The following FSTL4 variants were observed in gnomAD, a reference collection of about 807,000 sequenced individuals.
FSTL4 encodes the protein follistatin like 4.
FSTL4 carries 28 observed loss-of-function variants against 78.2 expected under a neutral mutation model. That is an observed-to-expected ratio of 0.36 (90% confidence interval 0.27 to 0.49). The LOEUF (loss-of-function observed/expected upper bound fraction) is 0.49. FSTL4 is among the 20% of genes least tolerant of loss of function. The probability of loss-of-function intolerance (pLI) is 0.98; values close to 1 mark genes in which losing one functional copy is unlikely to be tolerated. For synonymous variants in FSTL4, 422 were observed against 440.5 expected, an observed-to-expected ratio of 0.96 and a Z score of 0.53; for missense variants, 922 against 1,084.9, an observed-to-expected ratio of 0.85 and a Z score of 2.11.
At chr5:133,774,749 G>GTA in the FSTL4 span, among the ~76,000 whole-genome samples, 2 of 152,142 alleles carry the variant, frequency 1.3e-5, no homozygotes, top group Admixed American at 6.5e-5. Context: ...CTCTGTCATA[G>GTA]TATAGCCTTA....
the FSTL4 span, among the ~76,000 whole-genome samples, chr5:133,631,331 G>C: frequency 6.6e-6 from 1 of 151,324 alleles, no homozygotes; most frequent in Non-Finnish European, 1.5e-5. Flanking sequence ...ATCAAAAAGT[G>C]GGCGAAGGAT....
intron 4 of FSTL4, among the ~76,000 whole-genome samples, chr5:133,376,505 G>T (rs1171047928): frequency 6.6e-6 from 1 of 152,034 alleles, no homozygotes; most frequent in Non-Finnish European, 1.5e-5. Context: ...GCTCTTCAGA[G>T]AAATAAATAT....
chr5:133,842,012 C>T, the FSTL4 span, among the ~76,000 whole-genome samples: 21 of 152,338 alleles, frequency 1.4e-4, no homozygotes, highest in South Asian at 4.1e-3. Context: ...GGATTCTGTG[C>T]CTTTCTCTCC....
chr5:133,422,523 A>G (rs1756720417), intron 3 of FSTL4, among the ~76,000 whole-genome samples: 1 of 151,852 alleles, frequency 6.6e-6, no homozygotes, highest in African/African-American at 2.4e-5. Context: ...ACCGTTTACT[A>G]AAAGGGGGAA....
intron 1 of FSTL4, among the ~76,000 whole-genome samples, chr5:133,609,530 G>T (rs1015152580): frequency 6.6e-6 from 1 of 152,134 alleles, no homozygotes; most frequent in African/African-American, 2.4e-5. Context: ...AAAGAAAGTG[G>T]TACAGATTTC....
chr5:133,654,633 G>A, the FSTL4 span, among the ~76,000 whole-genome samples: 1 of 152,172 alleles, frequency 6.6e-6, no homozygotes, highest in Non-Finnish European at 1.5e-5. Flanking sequence ...TTCTGCTGAT[G>A]ATGCTGGTCA....
At chr5:133,723,342 G>C in the FSTL4 span, among the ~76,000 whole-genome samples, 1 of 152,176 alleles carries the variant, frequency 6.6e-6, no homozygotes, top group Non-Finnish European at 1.5e-5. Flanking sequence ...TCAGGCCTTG[G>C]AGAGCAGAAC....
At position 133,605,999 on chromosome 5, in the gene FSTL4, G is replaced by A. The variant is rs574904647; in HGVS notation, c.-10-2006C>T. ...GCACTCCCTCCCCTGCCCCCCAATGGCTTCTGCGCTCTTGATCCAGTGATC... is the reference window on the plus strand; with the variant it reads ...GCACTCCCTCCCCTGCCCCCCAATGACTTCTGCGCTCTTGATCCAGTGATC... On this transcript the variant is annotated intron_variant, in intron 1 of 15. Coordinates refer to ENST00000265342, the MANE Select transcript of FSTL4 (RefSeq NM_015082.2). 1.6e-3 allele frequency among the ~76,000 whole-genome samples: 251 copies of A among 152,254 alleles called. 1 individual carries two copies. The highest frequency in any genetic ancestry group is 5.7e-3 in the African/African-American group (236 of 41,548).
At chr5:133,255,149 G>A (rs1460537908) in intron 6 of FSTL4, among the ~76,000 whole-genome samples, 1 of 152,224 alleles carries the variant, frequency 6.6e-6, no homozygotes, top group African/African-American at 2.4e-5. Flanking sequence ...AGCACTCAGA[G>A]TGTGATCAGG....
intron 2 of FSTL4, among the ~76,000 whole-genome samples, chr5:133,593,446 G>C (rs935860598): frequency 1.3e-5 from 2 of 152,112 alleles, no homozygotes; most frequent in Middle Eastern, 6.3e-3. Context: ...TGGAGGTTCT[G>C]GACACCAGAG....
At chr5:133,238,407 C>A (rs1177560699) in intron 7 of FSTL4, among the ~76,000 whole-genome samples, 1 of 152,222 alleles carries the variant, frequency 6.6e-6, no homozygotes, top group Non-Finnish European at 1.5e-5. Context: ...ATCTCACCTG[C>A]ACAGTCAAAT....
intron 11 of FSTL4, among the ~76,000 whole-genome samples, chr5:133,223,014 C>A (rs1022396156): frequency 2.0e-5 from 3 of 152,224 alleles, no homozygotes; most frequent in Non-Finnish European, 4.4e-5. Flanking sequence ...TTAGCGGGCA[C>A]TGGGGTCTTT....
the FSTL4 span, among the ~76,000 whole-genome samples, chr5:133,730,370 T>G: frequency 1.3e-5 from 2 of 152,194 alleles, no homozygotes; most frequent in Non-Finnish European, 2.9e-5. Flanking sequence ...GTGTCAGGCT[T>G]CCTGACATGA....
intron 3 of FSTL4, among the ~76,000 whole-genome samples, chr5:133,465,981 G>C (rs1462607721): frequency 2.0e-5 from 3 of 152,184 alleles, no homozygotes; most frequent in African/African-American, 7.2e-5. Flanking sequence ...GATTAAGTTA[G>C]GATTTGTACA....
At chr5:133,381,335 G>A (rs578196754) in intron 4 of FSTL4, among the ~76,000 whole-genome samples, 36 of 152,320 alleles carry the variant, frequency 2.4e-4, no homozygotes, top group African/African-American at 8.7e-4. Context: ...AACAAGGTAT[G>A]ACTATACCCC....
intron 12 of FSTL4, 67 bp from the exon 13 acceptor site, chr5:133,217,445 C>G: frequency 6.9e-7 from 1 of 1,450,302 alleles, no homozygotes; most frequent in South Asian, 1.2e-5. Context: ...TCTAGGTACT[C>G]TCTCCCCTGA....
At chr5:133,662,626 A>C in the FSTL4 span, among the ~76,000 whole-genome samples, 1 of 152,218 alleles carries the variant, frequency 6.6e-6, no homozygotes, top group East Asian at 1.9e-4. Context: ...CAGGCCATGA[A>C]AAACTTTAGT....
At chr5:133,212,685 C>T (rs1044687561) in intron 13 of FSTL4, among the ~76,000 whole-genome samples, 1 of 151,416 alleles carries the variant, frequency 6.6e-6, no homozygotes, top group Non-Finnish European at 1.5e-5. Context: ...TGAGAGAGAA[C>T]GAGGCAGCAG....
chr5:133,403,346 C>A (rs1756281098), intron 3 of FSTL4, among the ~76,000 whole-genome samples: 1 of 152,190 alleles, frequency 6.6e-6, no homozygotes, highest in Non-Finnish European at 1.5e-5. Flanking sequence ...AGCTCCAAGT[C>A]ACTGTTGTAG....
Sources: gnomAD v4.1 joint callset for allele counts (sites outside exome capture counted in the v4.1 genomes callset) on GRCh38, gnomAD v4.1.1 for gene constraint, MANE v1.5 for transcripts, NCBI Gene and HGNC (gene_info 2026-07-23, HGNC 2026-07-21) for gene names.